Variants in MEGF11 observed in about 807,000 individuals in gnomAD.
MEGF11 encodes multiple EGF like domains 11, also known as multiple epidermal growth factor-like domains protein 11.
In MEGF11, 126 loss-of-function variants were observed where a neutral mutation model predicts 146.6. The observed-to-expected ratio is 0.86, with a 90% CI of 0.74 to 1.00. MEGF11 has a LOEUF of 1.00. Among genes scored for constraint, MEGF11 ranks in the 50% least tolerant of loss-of-function variants. The pLI is 0.00. For synonymous variants in MEGF11, 532 were observed against 583.4 expected (o/e 0.91, Z 1.27); for missense variants, 1,509 against 1,521.2 (o/e 0.99, Z 0.13).
chr15:66,169,655 G>T (rs936602058), intron 1 of MEGF11, among the ~76,000 whole-genome samples: 1 of 152,232 alleles, frequency 6.6e-6, no homozygotes. Flanking sequence ...CACGTCCTTG[G>T]TTCCTTATCT....
intron 5 of MEGF11, among the ~76,000 whole-genome samples, chr15:66,027,062 TCC>T (rs989097453): frequency 4.6e-5 from 7 of 152,142 alleles, no homozygotes; most frequent in African/African-American, 1.4e-4. Context: ...GCACCAGCAC[TCC>T]CAGTCCTGAA....
Position 65,965,346 on chromosome 15 carries a change from C to T in MEGF11, c.900-226G>A, listed in dbSNP as rs538779592. 2.5e-5 allele frequency: 12 copies of T among 476,790 alleles called. No individual in the cohort carries two copies. In the East Asian group the frequency reaches 4.0e-4, roughly 16 times the overall value. The allele number at this position is 476,790 out of a possible 1,614,324, so 29.5% of individuals were successfully genotyped here. On this transcript the variant is annotated intron_variant, in intron 8 of 25. Coordinates refer to ENST00000395614, the MANE Select transcript of MEGF11 (RefSeq NM_001385028.1). ...TGCCAGGTCGGCTCAGTCCCCCCAG[C>T]AATGAGTTTGTACCACCATATTTTA...
chr15:66,169,334 G>A (rs909310384), intron 1 of MEGF11, among the ~76,000 whole-genome samples: 4 of 152,154 alleles, frequency 2.6e-5, no homozygotes, highest in African/African-American at 7.2e-5. Flanking sequence ...ACCCTCCACC[G>A]TCTGCCCAAC....
At chr15:65,910,071 C>A in intron 21 of MEGF11, 1 of 618,468 alleles carries the variant, frequency 1.6e-6, no homozygotes, top group Non-Finnish European at 3.0e-6. Context: ...TTGAGCCAAG[C>A]TGGCCCTGAC....
intron 5 of MEGF11, among the ~76,000 whole-genome samples, chr15:65,998,638 G>T (rs145549186): frequency 6.6e-6 from 1 of 152,130 alleles, no homozygotes; most frequent in East Asian, 1.9e-4. Context: ...AGTTGGAGAC[G>T]TAAGAGGGCA....
At chr15:66,008,437 A>ACG (rs2082595538) in intron 5 of MEGF11, among the ~76,000 whole-genome samples, 1 of 142,872 alleles carries the variant, frequency 7.0e-6, no homozygotes, top group Non-Finnish European at 1.5e-5. Context: ...ACACACACAC[A>ACG]CACACACACA....
chr15:66,141,801 A>G, intron 1 of MEGF11, among the ~76,000 whole-genome samples: 1 of 152,040 alleles, frequency 6.6e-6, no homozygotes, highest in East Asian at 1.9e-4. Context: ...TCCTGTGTGT[A>G]TTTCCCTCCT....
intron 4 of MEGF11, among the ~76,000 whole-genome samples, chr15:66,099,354 T>C (rs1301522900): frequency 6.6e-6 from 1 of 152,064 alleles, no homozygotes; most frequent in Non-Finnish European, 1.5e-5. Flanking sequence ...GGCTAATCTT[T>C]TTGTATTTTT....
At chr15:66,082,049 G>A (rs1190716835) in intron 5 of MEGF11, among the ~76,000 whole-genome samples, 1 of 152,164 alleles carries the variant, frequency 6.6e-6, no homozygotes, top group Non-Finnish European at 1.5e-5. Flanking sequence ...CCAGAACTGT[G>A]AGAAACACTT....
intron 5 of MEGF11, among the ~76,000 whole-genome samples, chr15:66,093,579 A>C (rs371893810): frequency 8.9e-4 from 135 of 152,352 alleles, no homozygotes; most frequent in African/African-American, 3.0e-3. Flanking sequence ...AACCTTAGTC[A>C]AGTCCTCTTT....
At chr15:66,123,827 T>G (rs929774685) in intron 3 of MEGF11, 72 bp downstream of exon 3, 1 of 1,302,110 alleles carries the variant, frequency 7.7e-7, no homozygotes, top group Non-Finnish European at 1.1e-6. Flanking sequence ...GGCCTTTTTC[T>G]AACTTGCACA....
chr15:66,080,419 C>T (rs1403365621), intron 5 of MEGF11, among the ~76,000 whole-genome samples: 2 of 152,154 alleles, frequency 1.3e-5, no homozygotes, highest in Admixed American at 6.5e-5. Flanking sequence ...GATGGCCTCG[C>T]CATCCAGGTC....
At chr15:66,145,082 A>G (rs941718552) in intron 1 of MEGF11, among the ~76,000 whole-genome samples, 21 of 152,214 alleles carry the variant, frequency 1.4e-4, no homozygotes, top group African/African-American at 4.8e-4. Context: ...CCAGTCCCAC[A>G]GTGAAAAGCA....
At chr15:65,983,723 C>T (rs752553556) in intron 5 of MEGF11, among the ~76,000 whole-genome samples, 3 of 152,116 alleles carry the variant, frequency 2.0e-5, no homozygotes, top group East Asian at 1.9e-4. Flanking sequence ...GGCCGGTCAC[C>T]GAGATTATCT....
At chr15:65,950,599 A>G (rs1384685729) in intron 10 of MEGF11, among the ~76,000 whole-genome samples, 3 of 20,968 alleles carry the variant, frequency 1.4e-4, no homozygotes, top group East Asian at 1.0e-3. Flanking sequence ...ACACACACAC[A>G]CACACACACA....
intron 5 of MEGF11, among the ~76,000 whole-genome samples, chr15:66,048,211 G>T (rs1223208318): frequency 6.6e-6 from 1 of 152,226 alleles, no homozygotes. Context: ...CTCCCAAAGT[G>T]CTGGGATTAC....
chr15:66,012,434 A>G (rs2082737716), intron 5 of MEGF11, among the ~76,000 whole-genome samples: 1 of 152,190 alleles, frequency 6.6e-6, no homozygotes, highest in Non-Finnish European at 1.5e-5. Context: ...GACAGACCCC[A>G]AAGCTAGAGC....
intron 5 of MEGF11, among the ~76,000 whole-genome samples, chr15:66,045,998 G>A (rs933906071): frequency 6.6e-6 from 1 of 152,152 alleles, no homozygotes; most frequent in Non-Finnish European, 1.5e-5. Flanking sequence ...AGCTACTCGG[G>A]AGGCTGAGGC....
rs538230406 is a variant in MEGF11, at chr15:66,110,495, C to A, written c.301+8591G>T. ...CGGGCAGCTATGCCTTCCTTGCCTCCCTATTTAAACTGTGCTTATCCTTCT... is the reference window on the plus strand; with the variant it reads ...CGGGCAGCTATGCCTTCCTTGCCTCACTATTTAAACTGTGCTTATCCTTCT... On this transcript the variant is annotated intron_variant, in intron 4 of 25. Transcript: ENST00000395614. Among the ~76,000 whole-genome samples the A allele has an allele frequency of 2.6e-5, 4 of 152,306 alleles. No homozygotes were observed. The South Asian group carries it at 8.3e-4, about 32-fold the overall frequency.
Sources: gnomAD v4.1 joint callset for allele counts (sites outside exome capture counted in the v4.1 genomes callset) on GRCh38, gnomAD v4.1.1 for gene constraint, MANE v1.5 for transcripts, NCBI Gene and HGNC (gene_info 2026-07-23, HGNC 2026-07-21) for gene names.